The following WWOX variants were observed in gnomAD, a reference collection of about 807,000 sequenced individuals.
WWOX encodes WW domain-containing oxidoreductase.
A neutral mutation model predicts 46.2 loss-of-function variants in WWOX; 69 were observed. That is an observed-to-expected ratio of 1.49 (90% confidence interval 1.23 to 1.82). The LOEUF (loss-of-function observed/expected upper bound fraction) is 1.82. Among genes scored for constraint, WWOX ranks in the 40% most tolerant of loss-of-function variants. The pLI is 0.00. For missense variants in WWOX, 919 were observed against 542.6 expected, an observed-to-expected ratio of 1.69 and a Z score of -6.89; for synonymous variants, 359 against 202.6, an observed-to-expected ratio of 1.77 and a Z score of -6.56.
intron 3 of WWOX, among the ~76,000 whole-genome samples, chr16:78,113,057 T>C (rs925279285): frequency 6.6e-6 from 1 of 152,206 alleles, no homozygotes. Flanking sequence ...TGTGCAGTCT[T>C]TGCCTTTGCA....
intron 8 of WWOX, among the ~76,000 whole-genome samples, chr16:79,172,960 G>T (rs998468960): frequency 1.3e-5 from 2 of 152,184 alleles, no homozygotes; most frequent in African/African-American, 4.8e-5. Flanking sequence ...CGTCAAGGCT[G>T]CAGTGAACCA....
intron 8 of WWOX, among the ~76,000 whole-genome samples, chr16:78,498,452 C>T (rs763849342): frequency 2.0e-5 from 3 of 152,070 alleles, no homozygotes; most frequent in Non-Finnish European, 4.4e-5. Flanking sequence ...CACACATGGC[C>T]TGCTCACAAA....
chr16:78,288,859 A>C (rs1460053397), intron 5 of WWOX, among the ~76,000 whole-genome samples: 1 of 152,126 alleles, frequency 6.6e-6, no homozygotes, highest in Non-Finnish European at 1.5e-5. Flanking sequence ...TTTTAAGTGG[A>C]AAAAAATCCA....
intron 8 of WWOX, among the ~76,000 whole-genome samples, chr16:78,527,034 C>T (rs1008072970): frequency 9.9e-5 from 15 of 152,126 alleles, no homozygotes. Context: ...TGTGGTGATG[C>T]ACACCTGTAA....
chr16:78,841,600 A>C (rs942411813), intron 8 of WWOX, among the ~76,000 whole-genome samples: 1 of 152,254 alleles, frequency 6.6e-6, no homozygotes, highest in Admixed American at 6.5e-5. Flanking sequence ...TCAAAATGTT[A>C]AGTATTATGA....
intron 8 of WWOX, among the ~76,000 whole-genome samples, chr16:78,968,042 G>C (rs2046395015): frequency 6.6e-6 from 1 of 152,236 alleles, no homozygotes; most frequent in Admixed American, 6.5e-5. Flanking sequence ...GTGGCACAGT[G>C]CATGGTCTGC....
chr16:78,771,240 G>C lies in WWOX; in HGVS notation c.1056+338488G>C, dbSNP rs1245504408. Among the ~76,000 whole-genome samples, 8 of 152,344 alleles carry C rather than the reference G, an allele frequency of 5.3e-5. No individual in the cohort carries two copies. In the East Asian group the frequency reaches 1.5e-3, roughly 29 times the overall value. On this transcript the variant is annotated intron_variant, in intron 8 of 8. Transcript: ENST00000566780. Reference sequence around the variant, plus strand: ...TTGAAAAGATCGCTCTGGCTGCTGTGTTGAGTGGATTGGTAAGGGATAGGT... The same window carrying C: ...TTGAAAAGATCGCTCTGGCTGCTGTCTTGAGTGGATTGGTAAGGGATAGGT...
At chr16:78,139,419 G>T (rs183151289) in intron 4 of WWOX, among the ~76,000 whole-genome samples, 65 of 152,302 alleles carry the variant, frequency 4.3e-4, no homozygotes, top group South Asian at 2.5e-3. Context: ...GCCAAGGCAG[G>T]TGAATCATGA....
At chr16:78,999,089 C>T (rs547212993) in intron 8 of WWOX, among the ~76,000 whole-genome samples, 19 of 151,406 alleles carry the variant, frequency 1.3e-4, no homozygotes, top group South Asian at 2.1e-4. Context: ...AGTAGGTTTG[C>T]GCAACACAAC....
At chr16:79,177,639 C>T (rs1196396875) in intron 8 of WWOX, among the ~76,000 whole-genome samples, 1 of 152,126 alleles carries the variant, frequency 6.6e-6, no homozygotes, top group African/African-American at 2.4e-5. Context: ...TTTATTTGGA[C>T]TAAGGTTTCT....
At chr16:78,303,481 T>C (rs964966395) in intron 5 of WWOX, among the ~76,000 whole-genome samples, 1 of 152,160 alleles carries the variant, frequency 6.6e-6, no homozygotes, top group African/African-American at 2.4e-5. Flanking sequence ...GGATTTGAGC[T>C]CCACTTTTCA....
At chr16:78,378,248 T>C (rs2081875993) in intron 5 of WWOX, among the ~76,000 whole-genome samples, 1 of 152,146 alleles carries the variant, frequency 6.6e-6, no homozygotes. Context: ...ATAAAATGTG[T>C]CAAGTCAGTG....
intron 8 of WWOX, among the ~76,000 whole-genome samples, chr16:79,190,939 G>T (rs886078491): frequency 2.6e-5 from 4 of 152,280 alleles, no homozygotes; most frequent in Admixed American, 2.0e-4. Context: ...GTGAATTGTG[G>T]CTAAATCTCT....
At chr16:78,262,106 A>AAAT (rs2079257618) in intron 5 of WWOX, among the ~76,000 whole-genome samples, 1 of 150,000 alleles carries the variant, frequency 6.7e-6, no homozygotes, top group Non-Finnish European at 1.5e-5. Context: ...TCAAAAAAAA[A>AAAT]AAAAAAAAAA....
chr16:78,578,132 T>C (rs997546011), intron 8 of WWOX, among the ~76,000 whole-genome samples: 6 of 151,360 alleles, frequency 4.0e-5, no homozygotes, highest in African/African-American at 1.5e-4. Flanking sequence ...CACTATGCAC[T>C]AATTAAGCTG....
chr16:78,464,171 G>C (rs1167341489), intron 8 of WWOX, among the ~76,000 whole-genome samples: 1 of 152,094 alleles, frequency 6.6e-6, no homozygotes, highest in African/African-American at 2.4e-5. Context: ...GCTTAATATT[G>C]TGGACAAGGG....
At chr16:78,141,954 C>T (rs1485947801) in intron 4 of WWOX, among the ~76,000 whole-genome samples, 1 of 151,028 alleles carries the variant, frequency 6.6e-6, no homozygotes, top group Admixed American at 6.6e-5. Flanking sequence ...ATTTCTAGAC[C>T]CTGGATTTCT....
At chr16:78,114,879 C>G (rs938108634) in intron 3 of WWOX, 97 bp from the exon 4 acceptor site, 12 of 1,505,930 alleles carry the variant, frequency 8.0e-6, no homozygotes, top group Admixed American at 7.0e-5. Flanking sequence ...GCATTTTGGT[C>G]TATGAAAAAT....
chr16:78,427,522 T>TCACA (rs1391969014), intron 7 of WWOX, among the ~76,000 whole-genome samples: 2 of 151,086 alleles, frequency 1.3e-5, no homozygotes, highest in South Asian at 2.1e-4. Flanking sequence ...ACACACAAAA[T>TCACA]CACACATACA....
Sources: gnomAD v4.1 joint callset for allele counts (sites outside exome capture counted in the v4.1 genomes callset) on GRCh38, gnomAD v4.1.1 for gene constraint, MANE v1.5 for transcripts, NCBI Gene and HGNC (gene_info 2026-07-23, HGNC 2026-07-21) for gene names.